Variants in ZNF423 observed in about 807,000 individuals in gnomAD.
The protein encoded by ZNF423 is Ebf-associated zinc finger protein.
ZNF423 carries 12 observed loss-of-function variants against 95.8 expected under a neutral mutation model. The observed-to-expected ratio is 0.13, with a 90% confidence interval of 0.08 to 0.20. The LOEUF (loss-of-function observed/expected upper bound fraction) is 0.20, where lower values mean the gene tolerates loss of function less well. Among genes scored for constraint, ZNF423 ranks in the 10% least tolerant of loss-of-function variants. The pLI, the probability that ZNF423 is intolerant of heterozygous loss-of-function variation, is 1.00. For synonymous variants in ZNF423, 749 were observed against 711.9 expected, an observed-to-expected ratio of 1.05 and a Z score of -0.83; for missense variants, 1,316 against 1,737.1, an observed-to-expected ratio of 0.76 and a Z score of 4.31.
intron 3 of ZNF423, among the ~76,000 whole-genome samples, chr16:49,710,458 C>A (rs560224769): frequency 6.6e-6 from 1 of 152,310 alleles, no homozygotes; most frequent in South Asian, 2.1e-4. Flanking sequence ...TCATAAGGAC[C>A]TAAACGCCTA....
chr16:49,561,353 G>A (rs1437494952), intron 5 of ZNF423, among the ~76,000 whole-genome samples: 2 of 152,042 alleles, frequency 1.3e-5, no homozygotes, highest in Non-Finnish European at 2.9e-5. Flanking sequence ...ACTTTACTGG[G>A]GGTATGTGTG....
chr16:49,661,694 G>A (rs1261820178), intron 3 of ZNF423, among the ~76,000 whole-genome samples: 3 of 152,154 alleles, frequency 2.0e-5, no homozygotes, highest in Non-Finnish European at 4.4e-5. Context: ...CCTCTTCTGT[G>A]CCAGGCTCTG....
intron 1 of ZNF423, among the ~76,000 whole-genome samples, chr16:49,853,085 C>T (rs1021646533): frequency 1.3e-5 from 2 of 152,202 alleles, no homozygotes; most frequent in African/African-American, 4.8e-5. Flanking sequence ...GCAGAATGCT[C>T]GGGGCCGGGG....
At chr16:49,583,989 C>A (rs1970747410) in intron 5 of ZNF423, among the ~76,000 whole-genome samples, 1 of 152,224 alleles carries the variant, frequency 6.6e-6, no homozygotes, top group Admixed American at 6.5e-5. Context: ...GAGCAGATAC[C>A]AGCCAGGCCT....
intron 3 of ZNF423, among the ~76,000 whole-genome samples, chr16:49,728,774 C>G (rs1179209664): frequency 6.6e-6 from 1 of 151,912 alleles, no homozygotes; most frequent in Admixed American, 6.6e-5. Flanking sequence ...GCTCTGTCAC[C>G]CAGGCCAGAG....
At chr16:49,510,789 T>C in intron 7 of ZNF423, among the ~76,000 whole-genome samples, 1 of 152,194 alleles carries the variant, frequency 6.6e-6, no homozygotes, top group East Asian at 1.9e-4. Flanking sequence ...TTGTCACTGT[T>C]ACTAAGAAAC....
At chr16:49,532,781 C>A (rs1409077081) in intron 5 of ZNF423, among the ~76,000 whole-genome samples, 2 of 152,178 alleles carry the variant, frequency 1.3e-5, no homozygotes, top group Non-Finnish European at 2.9e-5. Context: ...GGCTTGAAAT[C>A]AACTGGAAAA....
intron 7 of ZNF423, among the ~76,000 whole-genome samples, chr16:49,505,426 G>A (rs1382153680): frequency 6.6e-6 from 1 of 152,158 alleles, no homozygotes; most frequent in East Asian, 1.9e-4. Flanking sequence ...AGAAAATTAA[G>A]TCCTACAGAC....
At chr16:49,796,713 C>A (rs1386522646) in intron 1 of ZNF423, among the ~76,000 whole-genome samples, 2 of 152,084 alleles carry the variant, frequency 1.3e-5, no homozygotes, top group African/African-American at 4.8e-5. Flanking sequence ...CAGGGAAGAA[C>A]CCAGAATGCT....
At chr16:49,587,419 G>T (rs1371142964) in intron 5 of ZNF423, among the ~76,000 whole-genome samples, 1 of 152,214 alleles carries the variant, frequency 6.6e-6, no homozygotes, top group East Asian at 1.9e-4. Context: ...GGTGGGAAGA[G>T]TGAGGCTATG....
intron 3 of ZNF423, among the ~76,000 whole-genome samples, chr16:49,645,560 C>T (rs951667321): frequency 1.3e-5 from 2 of 152,156 alleles, no homozygotes; most frequent in Non-Finnish European, 2.9e-5. Flanking sequence ...TTCAGGTTTC[C>T]TCTTCCAAAA....
rs1431573024 is a variant in ZNF423 at position 49,515,632 on chromosome 16, A to G, written c.3849+7992T>C. 2.6e-5 allele frequency among the ~76,000 whole-genome samples: 4 copies of G among 152,332 alleles called. No individual in the cohort carries two copies. In the East Asian group the frequency reaches 7.7e-4, roughly 29 times the overall value. ...CTCAGAACAGAGCCTGGCCCGCAGC[A>G]CAGACCTAGGGCCCAGGGGTGAAGG... On this transcript the variant is annotated intron_variant, in intron 7 of 7. Transcript: ENST00000563137.
At chr16:49,551,891 C>T (rs992717629) in intron 5 of ZNF423, among the ~76,000 whole-genome samples, 7 of 152,214 alleles carry the variant, frequency 4.6e-5, no homozygotes, top group African/African-American at 1.2e-4. Context: ...TGGCCTCCCA[C>T]TTGTACACTG....
intron 2 of ZNF423, among the ~76,000 whole-genome samples, chr16:49,782,925 A>G (rs1277650267): frequency 6.6e-6 from 1 of 151,064 alleles, no homozygotes; most frequent in Non-Finnish European, 1.5e-5. Context: ...GGAGTTCGAG[A>G]CCAACCTGGG....
At chr16:49,854,053 C>CA in intron 1 of ZNF423, 1 of 985,382 alleles carries the variant, frequency 1.0e-6, no homozygotes, top group Non-Finnish European at 1.2e-6. Context: ...TCAAGCCGTA[C>CA]AGCCCTTCCA....
intron 3 of ZNF423, among the ~76,000 whole-genome samples, chr16:49,660,109 C>T (rs952526635): frequency 7.2e-5 from 11 of 152,188 alleles, no homozygotes; most frequent in Non-Finnish European, 1.2e-4. Context: ...CTCCTGGCTT[C>T]GAACTGCCTG....
At chr16:49,743,566 G>A (rs1451118181) in intron 2 of ZNF423, among the ~76,000 whole-genome samples, 1 of 152,128 alleles carries the variant, frequency 6.6e-6, no homozygotes, top group African/African-American at 2.4e-5. Flanking sequence ...TCCAGCCACA[G>A]GTCTGTATTT....
chr16:49,686,415 C>T (rs1355684500), intron 3 of ZNF423, among the ~76,000 whole-genome samples: 2 of 152,102 alleles, frequency 1.3e-5, no homozygotes, highest in African/African-American at 2.4e-5. Flanking sequence ...ATACCAGGCA[C>T]GTAGTGGAGG....
intron 5 of ZNF423, among the ~76,000 whole-genome samples, chr16:49,586,585 A>G (rs893856735): frequency 6.6e-6 from 1 of 152,242 alleles, no homozygotes. Context: ...GGTCCCCGCC[A>G]GTGTGCCAGC....
Sources: gnomAD v4.1 joint callset for allele counts (sites outside exome capture counted in the v4.1 genomes callset) on GRCh38, gnomAD v4.1.1 for gene constraint, MANE v1.5 for transcripts, NCBI Gene and HGNC (gene_info 2026-07-23, HGNC 2026-07-21) for gene names.